Variants in NTM observed in about 807,000 individuals in gnomAD.
The protein encoded by NTM is IgLON family member 2.
In NTM, 13 loss-of-function variants were observed where a neutral mutation model predicts 42.1. The ratio of observed to expected loss-of-function variants is 0.31; its 90% CI spans 0.20 to 0.49. The LOEUF (loss-of-function observed/expected upper bound fraction) is 0.49, where lower values mean the gene tolerates loss of function less well. Among genes scored for constraint, NTM ranks in the 20% least tolerant of loss-of-function variants. NTM has a pLI of 0.99. For synonymous variants in NTM, 187 were observed against 179.2 expected (o/e 1.04, Z -0.35); for missense variants, 373 against 452.8 (o/e 0.82, Z 1.60).
intron 2 of NTM, among the ~76,000 whole-genome samples, chr11:132,022,819 C>A (rs929018901): frequency 2.6e-5 from 4 of 152,148 alleles, no homozygotes; most frequent in Non-Finnish European, 5.9e-5. Flanking sequence ...TTGAAAGATG[C>A]AATTCAAAGG....
At position 132,104,751 on chromosome 11, in the gene NTM, A is replaced by G. The variant is rs537155208; in HGVS notation, c.168-41531A>G. 1.1e-4 allele frequency among the ~76,000 whole-genome samples: 17 copies of G among 150,156 alleles called. No homozygotes were observed. In the South Asian group the frequency reaches 3.2e-3, roughly 28 times the overall value. ...TTTCTACAAAAAGAAAAGAAAAAAA[A>G]TAAATTATCTGAGCATGGTGGTACA... On this transcript the variant is annotated intron_variant, in intron 2 of 8. Coordinates refer to ENST00000683400, the MANE Select transcript of NTM (RefSeq NM_001352005.2).
At chr11:131,605,366 G>A (rs1308512524) in intron 1 of NTM, among the ~76,000 whole-genome samples, 1 of 152,202 alleles carries the variant, frequency 6.6e-6, no homozygotes, top group African/African-American at 2.4e-5. Context: ...TTAATTGCTA[G>A]TGTAGAAAAG....
intron 1 of NTM, among the ~76,000 whole-genome samples, chr11:131,680,011 T>C (rs900772082): frequency 5.9e-5 from 9 of 152,212 alleles, no homozygotes; most frequent in African/African-American, 2.2e-4. Flanking sequence ...TGATATTTTA[T>C]AGCAATATTC....
intron 1 of NTM, among the ~76,000 whole-genome samples, chr11:131,579,462 C>T (rs1164937329): frequency 6.6e-6 from 1 of 152,126 alleles, no homozygotes; most frequent in African/African-American, 2.4e-5. Context: ...ATCATTGCAT[C>T]CCATTTTTAA....
At chr11:132,084,310 C>T (rs2059438328) in intron 2 of NTM, among the ~76,000 whole-genome samples, 1 of 152,130 alleles carries the variant, frequency 6.6e-6, no homozygotes. Flanking sequence ...TAATACTTAA[C>T]ACCCTTAATT....
intron 1 of NTM, among the ~76,000 whole-genome samples, chr11:131,668,388 A>T (rs543403476): frequency 9.9e-4 from 136 of 137,832 alleles, no homozygotes; most frequent in East Asian, 2.4e-3. Flanking sequence ...TGGAGATTTT[A>T]AAAAAAAAAC....
At chr11:131,677,315 T>C (rs893642975) in intron 1 of NTM, among the ~76,000 whole-genome samples, 2 of 152,216 alleles carry the variant, frequency 1.3e-5, no homozygotes, top group African/African-American at 4.8e-5. Context: ...TGAGGACCTT[T>C]CGTGGCAGTG....
intron 1 of NTM, among the ~76,000 whole-genome samples, chr11:131,476,559 A>AG (rs1394953225): frequency 1.3e-5 from 2 of 152,104 alleles, no homozygotes; most frequent in Non-Finnish European, 2.9e-5. Flanking sequence ...TAATGGGAGG[A>AG]GGGGCAGGCT....
intron 6 of NTM, among the ~76,000 whole-genome samples, chr11:132,313,813 A>T (rs1194255064): frequency 6.6e-6 from 1 of 152,086 alleles, no homozygotes; most frequent in Non-Finnish European, 1.5e-5. Context: ...TGGCCCCCAG[A>T]CCAATGCAAG....
chr11:131,550,411 A>G (rs559393585), intron 1 of NTM, among the ~76,000 whole-genome samples: 2 of 152,176 alleles, frequency 1.3e-5, no homozygotes, highest in Admixed American at 6.5e-5. Context: ...GGGTCTGCTG[A>G]AAGGTAATTG....
intron 1 of NTM, among the ~76,000 whole-genome samples, chr11:131,499,951 T>G (rs1287630699): frequency 2.0e-5 from 3 of 152,232 alleles, no homozygotes; most frequent in African/African-American, 7.2e-5. Context: ...AGAAAACCCC[T>G]GGGTGATGTG....
rs548148500 is a variant in NTM at position 132,306,904 on chromosome 11, G to A, written c.527-785G>A. Among the ~76,000 whole-genome samples, 25 of 152,298 alleles carry A rather than the reference G, an allele frequency of 1.6e-4. No individual in the cohort carries two copies. The East Asian group carries it at 3.5e-3, about 21-fold the overall frequency. On this transcript the variant is annotated intron_variant, in intron 4 of 8. Coordinates refer to ENST00000683400, the MANE Select transcript of NTM (RefSeq NM_001352005.2). ...AATAACTGAGTGCTCATGGCCAGAC[G>A]TCAGGCACAGAGTCTGGTATGTGAA...
chr11:131,642,928 A>G (rs1051289657), intron 1 of NTM, among the ~76,000 whole-genome samples: 2 of 152,140 alleles, frequency 1.3e-5, no homozygotes, highest in African/African-American at 4.8e-5. Context: ...TAGGCTCTTC[A>G]GCATAATCGC....
intron 1 of NTM, among the ~76,000 whole-genome samples, chr11:131,601,211 G>T (rs1337866651): frequency 1.3e-5 from 2 of 152,184 alleles, no homozygotes; most frequent in Non-Finnish European, 2.9e-5. Context: ...GTCTTTCGGG[G>T]AGCATACAGA....
intron 3 of NTM, among the ~76,000 whole-genome samples, chr11:132,189,451 A>G (rs138118197): frequency 5.3e-5 from 8 of 152,268 alleles, no homozygotes; most frequent in Middle Eastern, 3.4e-3. Context: ...TTTCTGTGTT[A>G]CTCAACACAA....
At chr11:131,690,927 G>T (rs944697627) in intron 1 of NTM, among the ~76,000 whole-genome samples, 4 of 152,202 alleles carry the variant, frequency 2.6e-5, no homozygotes, top group African/African-American at 9.6e-5. Flanking sequence ...AGTGGAAGCT[G>T]CCTTGATCGA....
At chr11:132,022,721 T>C (rs1433681972) in intron 2 of NTM, among the ~76,000 whole-genome samples, 2 of 152,238 alleles carry the variant, frequency 1.3e-5, no homozygotes, top group African/African-American at 4.8e-5. Flanking sequence ...ATCCCTGAAG[T>C]TGTCATGTGG....
At chr11:132,208,523 A>G (rs1234169632) in intron 3 of NTM, among the ~76,000 whole-genome samples, 2 of 152,192 alleles carry the variant, frequency 1.3e-5, no homozygotes, top group East Asian at 1.9e-4. Context: ...GGGGGGAGAC[A>G]ATTCTAGATG....
intron 1 of NTM, among the ~76,000 whole-genome samples, chr11:131,794,080 G>T (rs1386043705): frequency 6.6e-6 from 1 of 152,206 alleles, no homozygotes; most frequent in East Asian, 1.9e-4. Context: ...TGAACTCATG[G>T]ACGGTTCTCC....
Sources: allele counts gnomAD v4.1 joint callset (sites outside exome capture counted in the v4.1 genomes callset), GRCh38; gene constraint gnomAD v4.1.1; transcripts MANE v1.5; gene names NCBI Gene and HGNC (gene_info 2026-07-23, HGNC 2026-07-21).